RGS17: variants seen among roughly 807,000 people sequenced by gnomAD.
The protein encoded by RGS17 is regulator of G-protein signaling 17.
RGS17 carries 12 observed loss-of-function variants against 25.5 expected under a neutral mutation model. The observed-to-expected ratio is 0.47, with a 90% CI of 0.30 to 0.76. The LOEUF (loss-of-function observed/expected upper bound fraction) is 0.76, where lower values mean the gene tolerates loss of function less well. Among genes scored for constraint, RGS17 ranks in the 30% least tolerant of loss-of-function variants. The pLI is 0.07. For synonymous variants in RGS17, 71 were observed against 76.9 expected (o/e 0.92, Z 0.40); for missense variants, 196 against 242.2 (o/e 0.81, Z 1.27).
chr6:153,013,807 G>T (rs1231244053), intron 4 of RGS17, among the ~76,000 whole-genome samples: 1 of 152,222 alleles, frequency 6.6e-6, no homozygotes, highest in East Asian at 1.9e-4. Flanking sequence ...CTTCAATTCT[G>T]TGGAGACTGA....
chr6:153,028,432 C>T (rs1779326871), intron 2 of RGS17, among the ~76,000 whole-genome samples: 1 of 152,058 alleles, frequency 6.6e-6, no homozygotes, highest in Non-Finnish European at 1.5e-5. Context: ...GAGGTATTTG[C>T]GTGTGAGTGC....
chr6:153,051,860 T>A (rs1232703165), intron 1 of RGS17, among the ~76,000 whole-genome samples: 3 of 152,144 alleles, frequency 2.0e-5, no homozygotes, highest in South Asian at 2.1e-4. Flanking sequence ...AGGAGATTAG[T>A]ATGGTGTGAA....
chr6:153,040,773 T>A (rs895457815), intron 2 of RGS17, among the ~76,000 whole-genome samples: 1 of 151,968 alleles, frequency 6.6e-6, no homozygotes, highest in Non-Finnish European at 1.5e-5. Context: ...TAAAAACATA[T>A]GGGTAAAGGA....
chr6:153,020,484 T>C (rs1779237911), intron 4 of RGS17, among the ~76,000 whole-genome samples: 1 of 152,040 alleles, frequency 6.6e-6, no homozygotes, highest in African/African-American at 2.4e-5. Flanking sequence ...AATGCTCAAA[T>C]TATTACAAAT....
At chr6:153,124,291 T>C (rs1454690946) in intron 1 of RGS17, among the ~76,000 whole-genome samples, 2 of 152,188 alleles carry the variant, frequency 1.3e-5, no homozygotes, top group Admixed American at 6.5e-5. Context: ...TCCAAAAATA[T>C]CACACAGCCT....
At chr6:153,059,457 TA>T (rs1776607033) in intron 1 of RGS17, among the ~76,000 whole-genome samples, 1 of 152,210 alleles carries the variant, frequency 6.6e-6, no homozygotes, top group South Asian at 2.1e-4. Flanking sequence ...CTATGCCCTT[TA>T]GGGGGTACTG....
chr6:153,061,845 T>C (rs1776643640), intron 1 of RGS17, among the ~76,000 whole-genome samples: 1 of 152,220 alleles, frequency 6.6e-6, no homozygotes, highest in African/African-American at 2.4e-5. Context: ...ATAATACCTG[T>C]ATATTGAAGA....
At chr6:153,017,557 A>G (rs1338043247) in intron 4 of RGS17, among the ~76,000 whole-genome samples, 1 of 152,202 alleles carries the variant, frequency 6.6e-6, no homozygotes, top group African/African-American at 2.4e-5. Flanking sequence ...GGGTACACCA[A>G]CTTTTCACCC....
chr6:153,071,141 CAT>C (rs200294088), intron 1 of RGS17, among the ~76,000 whole-genome samples: 5,068 of 149,572 alleles, frequency 0.034, 128 homozygotes, highest in Non-Finnish European at 0.048. Context: ...TGTATATGTA[CAT>C]ATGTGTATAT....
chr6:153,100,200 T>C (rs1471572350), intron 1 of RGS17, among the ~76,000 whole-genome samples: 1 of 152,194 alleles, frequency 6.6e-6, no homozygotes, highest in African/African-American at 2.4e-5. Context: ...TTTATGTAGT[T>C]AAAGACCAAA....
At chr6:153,030,890 A>C (rs1327207164) in intron 2 of RGS17, among the ~76,000 whole-genome samples, 1 of 152,196 alleles carries the variant, frequency 6.6e-6, no homozygotes, top group African/African-American at 2.4e-5. Context: ...AGAACTGTGC[A>C]TATGGGGTTT....
At chr6:153,057,405 A>T (rs1356873824) in intron 1 of RGS17, among the ~76,000 whole-genome samples, 1 of 152,116 alleles carries the variant, frequency 6.6e-6, no homozygotes, top group Non-Finnish European at 1.5e-5. Flanking sequence ...AAATATAAAC[A>T]GGGCAGTCTC....
rs139967119 is a variant in RGS17, at chr6:153,037,939, T to C, written c.119+5961A>G. Among the ~76,000 whole-genome samples, 793 of 152,252 alleles carry C rather than the reference T, an allele frequency of 5.2e-3. 9 individuals carry two copies. The highest frequency in any genetic ancestry group is 0.017 in the African/African-American group (696 of 41,546). ...TGGGTTGGTGAGTCAAACTCTGACCTTTCATGTGTTCAGCCTTCTCTAGGG... is the reference window on the plus strand; with the variant it reads ...TGGGTTGGTGAGTCAAACTCTGACCCTTCATGTGTTCAGCCTTCTCTAGGG... On this transcript the variant is annotated intron_variant, in intron 2 of 4. Coordinates refer to ENST00000206262, the MANE Select transcript of RGS17 (RefSeq NM_012419.5).
chr6:153,017,155 G>C (rs112613260), intron 4 of RGS17, among the ~76,000 whole-genome samples: 2,722 of 152,304 alleles, frequency 0.018, 88 homozygotes, highest in African/African-American at 0.06. Flanking sequence ...ACCCTTGTGA[G>C]ACAGGGCACA....
chr6:153,085,396 G>A (rs1389241593), intron 1 of RGS17, among the ~76,000 whole-genome samples: 3 of 152,160 alleles, frequency 2.0e-5, no homozygotes, highest in Non-Finnish European at 2.9e-5. Flanking sequence ...CTGGAAATGA[G>A]CAGCTGGGTC....
chr6:153,076,850 C>T (rs1009139819), intron 1 of RGS17, among the ~76,000 whole-genome samples: 2 of 152,142 alleles, frequency 1.3e-5, no homozygotes, highest in Non-Finnish European at 1.5e-5. Flanking sequence ...GAAAAAACAT[C>T]ATTTTTCACC....
At chr6:153,052,179 C>G (rs1250060746) in intron 1 of RGS17, among the ~76,000 whole-genome samples, 1 of 152,072 alleles carries the variant, frequency 6.6e-6, no homozygotes, top group Non-Finnish European at 1.5e-5. Context: ...GGTGCCTGCC[C>G]AGCAGAACCC....
rs1054723522 is a variant in RGS17, at chr6:153,009,435, A to C, written c.*2139T>G. The C allele has an allele frequency of 6.6e-6, 1 of 152,096 alleles. No individual in the cohort carries two copies. The highest frequency in any genetic ancestry group is 2.4e-5 in the African/African-American group (1 of 41,464). 9.4% of individuals were successfully genotyped at this position (152,096 alleles called of 1,614,324 possible). Reference sequence around the variant, plus strand: ...AAGCAAGAAAAAAATTAAATAATTTAGGAACAATAGAACTTCACAATAGAA... The same window carrying C: ...AAGCAAGAAAAAAATTAAATAATTTCGGAACAATAGAACTTCACAATAGAA... On this transcript the variant is annotated 3_prime_UTR_variant, in exon 5 of 5. Transcript: ENST00000206262.
chr6:153,071,567 C>G (rs1029015893), intron 1 of RGS17, among the ~76,000 whole-genome samples: 5 of 152,130 alleles, frequency 3.3e-5, no homozygotes, highest in Non-Finnish European at 7.4e-5. Flanking sequence ...TTGCAAAACA[C>G]AAGCCCCAAT....
Sources: gnomAD v4.1 joint callset for allele counts (sites outside exome capture counted in the v4.1 genomes callset) on GRCh38, gnomAD v4.1.1 for gene constraint, MANE v1.5 for transcripts, NCBI Gene and HGNC (gene_info 2026-07-23, HGNC 2026-07-21) for gene names.